The following CNTN5 variants were observed in gnomAD, a reference collection of about 807,000 sequenced individuals.
The protein encoded by CNTN5 is contactin 5.
In CNTN5, 77 loss-of-function variants were observed where a neutral mutation model predicts 129.1. The observed-to-expected ratio is 0.60, with a 90% CI of 0.50 to 0.72. The LOEUF (loss-of-function observed/expected upper bound fraction) is 0.72. CNTN5 is among the 30% of genes least tolerant of loss of function. CNTN5 has a pLI of 0.00. For synonymous variants in CNTN5, 509 were observed against 465.6 expected (o/e 1.09, Z -1.20); for missense variants, 1,478 against 1,328.8 (o/e 1.11, Z -1.75).
At chr11:99,555,293 CAACTG>C (rs1948627860) in intron 2 of CNTN5, among the ~76,000 whole-genome samples, 1 of 151,988 alleles carries the variant, frequency 6.6e-6, no homozygotes, top group South Asian at 2.1e-4. Flanking sequence ...AATTATTTCT[CAACTG>C]AACGGCTTTG....
intron 1 of CNTN5, among the ~76,000 whole-genome samples, chr11:99,247,015 T>C (rs1861843986): frequency 6.6e-6 from 1 of 152,116 alleles, no homozygotes. Flanking sequence ...GTTTATAGCT[T>C]TACTGAAAAG....
At chr11:99,568,824 AAAGTT>A (rs1303773877) in intron 3 of CNTN5, among the ~76,000 whole-genome samples, 2 of 152,246 alleles carry the variant, frequency 1.3e-5, no homozygotes, top group African/African-American at 4.8e-5. Context: ...AGCCATTAAT[AAAGTT>A]AACAATTGAC....
intron 21 of CNTN5, chr11:100,309,076 A>T: frequency 1.0e-6 from 1 of 985,148 alleles, no homozygotes; most frequent in South Asian, 4.7e-5. Flanking sequence ...ATATTTTATG[A>T]TAACAAGGTT....
At position 99,148,882 on chromosome 11, in the gene CNTN5, TTA is replaced by T. The variant is rs148636238; in HGVS notation, c.-210+127614_-210+127615del. ...ATATATGACCAAATTTAATATAAAA[TTA>T]TGTTTTTTTAAATATTCACAACTTT... On this transcript the variant is annotated intron_variant, in intron 1 of 24. Coordinates refer to ENST00000524871, the MANE Select transcript of CNTN5 (RefSeq NM_014361.4). Among the ~76,000 whole-genome samples, 260 of 152,230 alleles carry T rather than the reference TTA, an allele frequency of 1.7e-3. 2 individuals carry two copies. Among genetic ancestry groups the T allele is most frequent in the African/African-American group, 5.9e-3 (247 of 41,552 alleles).
At chr11:99,256,039 T>C (rs1862362320) in intron 1 of CNTN5, among the ~76,000 whole-genome samples, 1 of 152,134 alleles carries the variant, frequency 6.6e-6, no homozygotes, top group Non-Finnish European at 1.5e-5. Flanking sequence ...TATCATTAAA[T>C]GACAGATAGT....
At chr11:99,306,518 A>G (rs982846594) in intron 1 of CNTN5, among the ~76,000 whole-genome samples, 1 of 152,102 alleles carries the variant, frequency 6.6e-6, no homozygotes, top group Non-Finnish European at 1.5e-5. Flanking sequence ...GATATTTCCA[A>G]TATAGATTAT....
At chr11:99,139,145 C>T (rs966151084) in intron 1 of CNTN5, among the ~76,000 whole-genome samples, 6 of 138,942 alleles carry the variant, frequency 4.3e-5, no homozygotes, top group South Asian at 5.1e-4. Flanking sequence ...TCCATTCCTG[C>T]GGTCCCAGCT....
In CNTN5 at chr11:99,029,670, G is replaced by C. The variant is rs934748440; in HGVS notation, c.-210+8400G>C. On this transcript the variant is annotated intron_variant, in intron 1 of 24. Transcript: ENST00000524871. ...AGAAAGAATGCTTTTAATGCAAAGA[G>C]AGAGGTTAAAAATTATAAAATGAGG... Among the ~76,000 whole-genome samples, 5 of 152,190 alleles carry C rather than the reference G, an allele frequency of 3.3e-5. 1 individual carries two copies. The South Asian group carries it at 1.0e-3, about 32-fold the overall frequency.
At chr11:99,154,234 G>T (rs772871563) in intron 1 of CNTN5, among the ~76,000 whole-genome samples, 1 of 152,174 alleles carries the variant, frequency 6.6e-6, no homozygotes, top group Non-Finnish European at 1.5e-5. Flanking sequence ...CCAGCGGCAT[G>T]GTATGGGTGG....
chr11:100,271,074 T>C lies in CNTN5; in HGVS notation c.2165-18T>C, dbSNP rs754914886. On this transcript the variant is annotated intron_variant, in intron 17 of 24. Coordinates refer to ENST00000524871, the MANE Select transcript of CNTN5 (RefSeq NM_014361.4). ...TTCTAGTCCTCATAATGACATGAAA[T>C]TTCCTTCCTTTCTATAGTCCCAGAA... 3.2e-6 allele frequency: 5 copies of C among 1,576,638 alleles called. No homozygotes were observed. The East Asian group carries it at 1.1e-4, about 36-fold the overall frequency.
At chr11:99,160,730 T>G (rs1280221915) in intron 1 of CNTN5, among the ~76,000 whole-genome samples, 1 of 152,094 alleles carries the variant, frequency 6.6e-6, no homozygotes, top group Non-Finnish European at 1.5e-5. Context: ...TTTGAAGCAC[T>G]GGCAAAGATA....
chr11:99,205,425 G>T (rs570132081), intron 1 of CNTN5, among the ~76,000 whole-genome samples: 80 of 152,096 alleles, frequency 5.3e-4, no homozygotes, highest in Non-Finnish European at 9.9e-4. Context: ...CCCCAAGATT[G>T]TGTCTGCTGT....
intron 3 of CNTN5, among the ~76,000 whole-genome samples, chr11:99,649,019 A>C (rs1284388191): frequency 1.3e-5 from 2 of 151,732 alleles, no homozygotes; most frequent in African/African-American, 2.4e-5. Flanking sequence ...ATAGTCAAGA[A>C]AATACCAAAT....
chr11:99,653,651 T>C (rs1331619938), intron 3 of CNTN5, among the ~76,000 whole-genome samples: 1 of 152,080 alleles, frequency 6.6e-6, no homozygotes, highest in Non-Finnish European at 1.5e-5. Context: ...GTCCCTCTCC[T>C]TTGAAATGTC....
intron 10 of CNTN5, among the ~76,000 whole-genome samples, chr11:100,067,773 T>A (rs550469589): frequency 6.6e-6 from 1 of 151,966 alleles, no homozygotes; most frequent in Non-Finnish European, 1.5e-5. Flanking sequence ...AGCAAACAGA[T>A]ATGATAGCAC....
intron 4 of CNTN5, among the ~76,000 whole-genome samples, chr11:99,822,135 T>A (rs1466890783): frequency 6.6e-6 from 1 of 152,116 alleles, no homozygotes; most frequent in Non-Finnish European, 1.5e-5. Flanking sequence ...AGAGCCTGAA[T>A]AGAAAGTCAT....
intron 3 of CNTN5, 94 bp from the exon 4 acceptor site, chr11:99,819,449 GT>G: frequency 9.2e-7 from 1 of 1,081,682 alleles, no homozygotes; most frequent in Non-Finnish European, 1.3e-6. Context: ...TCCAAAGAAG[GT>G]TTTTAGTAAT....
intron 1 of CNTN5, among the ~76,000 whole-genome samples, chr11:99,240,910 A>G (rs951616879): frequency 1.1e-4 from 16 of 152,302 alleles, no homozygotes; most frequent in Admixed American, 9.8e-4. Context: ...AACATGCGTC[A>G]CTACTGAAAA....
At chr11:100,164,117 C>G (rs945734849) in intron 13 of CNTN5, among the ~76,000 whole-genome samples, 1 of 151,776 alleles carries the variant, frequency 6.6e-6, no homozygotes, top group Non-Finnish European at 1.5e-5. Flanking sequence ...TGTGAACATT[C>G]ATAGATCCTT....
Sources: allele counts gnomAD v4.1 joint callset (sites outside exome capture counted in the v4.1 genomes callset), GRCh38; gene constraint gnomAD v4.1.1; transcripts MANE v1.5; gene names NCBI Gene and HGNC (gene_info 2026-07-23, HGNC 2026-07-21).